Variants in FAT3 observed in about 807,000 individuals in gnomAD.
FAT3 encodes the protein FAT atypical cadherin 3.
A neutral mutation model predicts 310.2 loss-of-function variants in FAT3; 95 were observed. The ratio of observed to expected loss-of-function variants is 0.31; its 90% CI spans 0.26 to 0.36. The LOEUF (loss-of-function observed/expected upper bound fraction) is 0.36, where lower values mean the gene tolerates loss of function less well. Ranked by LOEUF, FAT3 falls within the 10% of genes least tolerant of loss-of-function variation. The pLI is 1.00. For missense variants in FAT3, 5,408 were observed against 5,715.6 expected (o/e 0.95, Z 1.74); for synonymous variants, 2,314 against 2,192.9 (o/e 1.06, Z -1.54).
chr11:92,376,183 C>T (rs1338959970), intron 2 of FAT3, among the ~76,000 whole-genome samples: 1 of 152,136 alleles, frequency 6.6e-6, no homozygotes, highest in African/African-American at 2.4e-5. Context: ...TTCCTGTGGG[C>T]TGAGTACTGG....
At chr11:92,594,464 C>T (rs1336595304) in intron 3 of FAT3, among the ~76,000 whole-genome samples, 1 of 152,116 alleles carries the variant, frequency 6.6e-6, no homozygotes, top group African/African-American at 2.4e-5. Flanking sequence ...AAGAGAAGAA[C>T]TTGATGTAGG....
intron 4 of FAT3, 39 bp downstream of exon 4, chr11:92,697,484 CT>C: frequency 6.3e-7 from 1 of 1,589,632 alleles, no homozygotes; most frequent in Non-Finnish European, 8.6e-7. Flanking sequence ...TTAAAACTGA[CT>C]TTCACTAAAC....
At chr11:92,613,852 G>T (rs1216753869) in intron 3 of FAT3, among the ~76,000 whole-genome samples, 1 of 152,156 alleles carries the variant, frequency 6.6e-6, no homozygotes, top group Non-Finnish European at 1.5e-5. Context: ...TTTAGGACAT[G>T]TTATAGCCCC....
intron 3 of FAT3, among the ~76,000 whole-genome samples, chr11:92,593,816 G>A (rs1195235999): frequency 6.6e-6 from 1 of 152,168 alleles, no homozygotes; most frequent in East Asian, 1.9e-4. Flanking sequence ...TGATTCCATT[G>A]CCTGGCTAGG....
At chr11:92,239,583 A>G (rs1400139508) in intron 1 of FAT3, among the ~76,000 whole-genome samples, 2 of 152,078 alleles carry the variant, frequency 1.3e-5, no homozygotes, top group African/African-American at 4.8e-5. Context: ...GCTGGAACTA[A>G]CTTCAGAATT....
chr11:92,527,926 G>T (rs1268343065), intron 3 of FAT3, among the ~76,000 whole-genome samples: 2 of 152,204 alleles, frequency 1.3e-5, no homozygotes, highest in Non-Finnish European at 2.9e-5. Context: ...TCAAATGGAT[G>T]TTGACTCTAG....
intron 1 of FAT3, among the ~76,000 whole-genome samples, chr11:92,341,773 AT>A (rs1948267976): frequency 6.6e-6 from 1 of 152,058 alleles, no homozygotes; most frequent in East Asian, 1.9e-4. Context: ...GTTCATTCAG[AT>A]TGCTGCCTGA....
In FAT3 at chr11:92,599,750, A is replaced by T. The variant is rs527461488; in HGVS notation, c.3607+74802A>T. Reference sequence around the variant, plus strand: ...ATTATACAGCCAGAATATCTTATTTACTTGACCTCACCAGAGAGGAGGTAC... The same window carrying T: ...ATTATACAGCCAGAATATCTTATTTTCTTGACCTCACCAGAGAGGAGGTAC... On this transcript the variant is annotated intron_variant, in intron 3 of 27. Transcript: ENST00000525166. 3.8e-4 allele frequency among the ~76,000 whole-genome samples: 58 copies of T among 152,340 alleles called. 1 individual carries two copies. The South Asian group carries it at 9.9e-3, about 26-fold the overall frequency.
chr11:92,524,650 A>G lies in FAT3; in HGVS notation c.3309A>G (p.Ala1103=). 1.2e-6 allele frequency: 2 copies of G among 1,613,050 alleles called. No individual in the cohort carries two copies. The highest frequency in any genetic ancestry group is 1.7e-6 in the Non-Finnish European group (2 of 1,179,160). ...IDDESGVITA[A]DILDRETMGS... is the part of the protein sequence containing the mutation. Reference sequence around the variant, plus strand: ...TTGTCTCAGGGGTCATCACTGCCGCAGACATTCTTGATCGGGAGACAATGG... The same window carrying G: ...TTGTCTCAGGGGTCATCACTGCCGCGGACATTCTTGATCGGGAGACAATGG... The change falls in exon 3 of 28, where the codon GCA becomes GCG. Residue 1103 remains alanine (A), a synonymous_variant. Transcript: ENST00000525166.
At chr11:92,683,891 A>G (rs1239580400) in intron 3 of FAT3, among the ~76,000 whole-genome samples, 2 of 152,228 alleles carry the variant, frequency 1.3e-5, no homozygotes, top group Non-Finnish European at 2.9e-5. Context: ...AATGTGATTC[A>G]AAAGAATTAA....
At chr11:92,443,778 G>A (rs904101876) in intron 2 of FAT3, among the ~76,000 whole-genome samples, 3 of 152,112 alleles carry the variant, frequency 2.0e-5, no homozygotes, top group Non-Finnish European at 4.4e-5. Flanking sequence ...GAAGCATGAG[G>A]AGATGGTTAC....
At chr11:92,560,335 G>T (rs1314529864) in intron 3 of FAT3, among the ~76,000 whole-genome samples, 3 of 152,076 alleles carry the variant, frequency 2.0e-5, no homozygotes, top group Non-Finnish European at 2.9e-5. Flanking sequence ...ATATGTACTA[G>T]ATAGAAGACC....
chr11:92,692,464 G>A (rs1943823549), intron 3 of FAT3, among the ~76,000 whole-genome samples: 1 of 152,176 alleles, frequency 6.6e-6, no homozygotes, highest in African/African-American at 2.4e-5. Flanking sequence ...GTTGTGTGCT[G>A]CAAAAGTAGT....
At chr11:92,398,178 CT>C (rs1345766806) in intron 2 of FAT3, among the ~76,000 whole-genome samples, 3 of 152,110 alleles carry the variant, frequency 2.0e-5, no homozygotes, top group Admixed American at 6.6e-5. Flanking sequence ...TCTTCTCCCC[CT>C]GTCTTCACAT....
chr11:92,226,162 C>T (rs986236447), intron 1 of FAT3, among the ~76,000 whole-genome samples: 6 of 151,940 alleles, frequency 3.9e-5, no homozygotes, highest in African/African-American at 9.7e-5. Context: ...ACCATCTTGG[C>T]GCGGCGCGCG....
chr11:92,343,362 A>T (rs1948320958), intron 1 of FAT3, among the ~76,000 whole-genome samples: 1 of 152,128 alleles, frequency 6.6e-6, no homozygotes, highest in South Asian at 2.1e-4. Flanking sequence ...AGGTGATATC[A>T]TATCCCTGTA....
At chr11:92,591,682 A>G (rs1454664003) in intron 3 of FAT3, among the ~76,000 whole-genome samples, 1 of 152,182 alleles carries the variant, frequency 6.6e-6, no homozygotes, top group Non-Finnish European at 1.5e-5. Flanking sequence ...CATACCAGCT[A>G]TTTTACAAAG....
chr11:92,835,546 C>CA (rs952478971), intron 15 of FAT3, among the ~76,000 whole-genome samples: 7 of 151,968 alleles, frequency 4.6e-5, no homozygotes, highest in Non-Finnish European at 2.9e-5. Context: ...GTTCTTACCA[C>CA]AAAAAATGCT....
chr11:92,496,439 C>T (rs548512003), intron 2 of FAT3, among the ~76,000 whole-genome samples: 22 of 152,144 alleles, frequency 1.4e-4, no homozygotes, highest in African/African-American at 5.1e-4. Context: ...AGCCCCATCT[C>T]TTGCCTGGTG....
Sources: gnomAD v4.1 joint callset for allele counts (sites outside exome capture counted in the v4.1 genomes callset) on GRCh38, gnomAD v4.1.1 for gene constraint, MANE v1.5 for transcripts, NCBI Gene and HGNC (gene_info 2026-07-23, HGNC 2026-07-21) for gene names.